PACRG: variants seen among roughly 807,000 people sequenced by gnomAD.
PACRG encodes the protein parkin coregulated gene protein.
In PACRG, 29 loss-of-function variants were observed where a neutral mutation model predicts 29.7. The observed-to-expected ratio is 0.98, with a 90% CI of 0.73 to 1.33. PACRG has a LOEUF of 1.33. Ranked by LOEUF, PACRG falls within the 40% of genes most tolerant of loss-of-function variation. PACRG has a pLI of 0.00. For synonymous variants in PACRG, 116 were observed against 118.7 expected, an observed-to-expected ratio of 0.98 and a Z score of 0.15; for missense variants, 279 against 316.2, an observed-to-expected ratio of 0.88 and a Z score of 0.89.
intron 4 of PACRG, among the ~76,000 whole-genome samples, chr6:163,181,604 CAAAAAAA>C (rs544633309): frequency 2.9e-4 from 19 of 65,114 alleles, no homozygotes; most frequent in African/African-American, 8.7e-4. Flanking sequence ...CTTGAGGTGG[CAAAAAAA>C]AAAAAAAAAA....
At chr6:163,111,538 C>T (rs1815713794) in intron 4 of PACRG, among the ~76,000 whole-genome samples, 1 of 152,180 alleles carries the variant, frequency 6.6e-6, no homozygotes, top group South Asian at 2.1e-4. Context: ...ATGCTTTCTG[C>T]TCTGGTTTTG....
At chr6:163,197,632 G>A (rs1780528874) in intron 4 of PACRG, among the ~76,000 whole-genome samples, 1 of 150,996 alleles carries the variant, frequency 6.6e-6, no homozygotes, top group East Asian at 2.0e-4. Flanking sequence ...CGTGTTTTTA[G>A]TAGAGACGGG....
intron 4 of PACRG, among the ~76,000 whole-genome samples, chr6:163,219,125 G>A (rs961121136): frequency 6.6e-6 from 1 of 152,112 alleles, no homozygotes; most frequent in Non-Finnish European, 1.5e-5. Context: ...ATGTCCAACC[G>A]CCGCCTCACT....
intron 2 of PACRG, among the ~76,000 whole-genome samples, chr6:163,047,899 A>G (rs970783997): frequency 6.6e-6 from 1 of 152,186 alleles, no homozygotes; most frequent in African/African-American, 2.4e-5. Context: ...TTGTCTCCAT[A>G]AGGTCTTACA....
chr6:163,094,553 T>C (rs1814400066), intron 4 of PACRG, among the ~76,000 whole-genome samples: 1 of 152,082 alleles, frequency 6.6e-6, no homozygotes, highest in Non-Finnish European at 1.5e-5. Context: ...TCTAAGAGTA[T>C]CTCCAATTTA....
intron 1 of PACRG, among the ~76,000 whole-genome samples, chr6:162,811,308 T>C (rs1420187885): frequency 2.6e-5 from 4 of 152,158 alleles, no homozygotes; most frequent in Non-Finnish European, 5.9e-5. Flanking sequence ...AATGGATATC[T>C]TGAGAGACCC....
chr6:162,795,424 C>A (rs939557670), intron 1 of PACRG, among the ~76,000 whole-genome samples: 1 of 152,114 alleles, frequency 6.6e-6, no homozygotes, highest in African/African-American at 2.4e-5. Flanking sequence ...GTTAATGAAT[C>A]GTCCATGTTT....
intron 2 of PACRG, among the ~76,000 whole-genome samples, chr6:163,006,169 A>G (rs1010920701): frequency 9.5e-5 from 13 of 136,664 alleles, no homozygotes; most frequent in African/African-American, 3.2e-4. Flanking sequence ...ATATAATATA[A>G]AACATACATA....
At chr6:163,027,975 C>A (rs535189492) in intron 2 of PACRG, among the ~76,000 whole-genome samples, 1 of 152,218 alleles carries the variant, frequency 6.6e-6, no homozygotes, top group African/African-American at 2.4e-5. Flanking sequence ...CTGTGCAGCA[C>A]TGCACAAGCC....
chr6:163,163,341 G>A lies in PACRG; in HGVS notation c.613+73933G>A, dbSNP rs535440100. ...GGCTGGAGTGCAGTGGCATGATCTC[G>A]GCTCACTGCAGCCTCTGCCTTTAGG... On this transcript the variant is annotated intron_variant, in intron 4 of 4. Coordinates refer to ENST00000366888, the MANE Select transcript of PACRG (RefSeq NM_001080379.2). Among the ~76,000 whole-genome samples, 5 of 152,090 alleles carry A rather than the reference G, an allele frequency of 3.3e-5. No homozygotes were observed. In the South Asian group the frequency reaches 6.2e-4, roughly 19 times the overall value.
intron 4 of PACRG, among the ~76,000 whole-genome samples, chr6:163,270,738 G>A (rs1441951718): frequency 6.6e-6 from 1 of 151,874 alleles, no homozygotes; most frequent in African/African-American, 2.4e-5. Flanking sequence ...GAAATCCAAA[G>A]GAAAAGATAG....
rs575134643 is a variant in PACRG, at chr6:163,045,138, G to C, written c.292-17012G>C. Among the ~76,000 whole-genome samples, 6 of 152,158 alleles carry C rather than the reference G, an allele frequency of 3.9e-5. No individual in the cohort carries two copies. In the East Asian group the frequency reaches 1.2e-3, roughly 30 times the overall value. ...TGGTGTGTGTAGGGAAGGTGCCAAG[G>C]TGTGTTGTGGGTTCTCAGGAAGGGG... On this transcript the variant is annotated intron_variant, in intron 2 of 4. Coordinates refer to ENST00000366888, the MANE Select transcript of PACRG (RefSeq NM_001080379.2).
intron 2 of PACRG, among the ~76,000 whole-genome samples, chr6:162,833,334 T>C (rs1212586235): frequency 6.6e-6 from 1 of 152,180 alleles, no homozygotes; most frequent in Admixed American, 6.5e-5. Flanking sequence ...TTAATTTGGT[T>C]GTCTTTCTTC....
At chr6:163,108,643 C>T (rs1394181480) in intron 4 of PACRG, among the ~76,000 whole-genome samples, 1 of 152,014 alleles carries the variant, frequency 6.6e-6, no homozygotes, top group Non-Finnish European at 1.5e-5. Context: ...CCCACCTCAA[C>T]CTCTCAAAGT....
intron 3 of PACRG, among the ~76,000 whole-genome samples, chr6:163,074,640 A>G (rs1450092429): frequency 2.8e-5 from 3 of 108,152 alleles, no homozygotes; most frequent in Admixed American, 8.9e-5. Context: ...TACACATTGC[A>G]TGCCTGTAAC....
rs540953210 is a variant in PACRG, at chr6:163,136,106, A to G, written c.613+46698A>G. On this transcript the variant is annotated intron_variant, in intron 4 of 4. Coordinates refer to ENST00000366888, the MANE Select transcript of PACRG (RefSeq NM_001080379.2). ...AAAATAAGATTCTAAGTTTAATGTC[A>G]TTAGATTCATCAAAATCCTCTCTTT... Among the ~76,000 whole-genome samples, 134 of 152,306 alleles carry G rather than the reference A, an allele frequency of 8.8e-4. 2 individuals are homozygous for G. Among genetic ancestry groups the G allele is most frequent in the Admixed American group, 1.0e-3 (16 of 15,306 alleles).
At chr6:163,304,015 C>CAAAAAAAAAAA (rs59861286) in intron 4 of PACRG, among the ~76,000 whole-genome samples, 6 of 76,248 alleles carry the variant, frequency 7.9e-5, no homozygotes, top group East Asian at 7.9e-4. Flanking sequence ...GACTCCATTT[C>CAAAAAAAAAAA]AAAAAAAAAA....
chr6:163,037,863 C>T (rs934692953), intron 2 of PACRG, among the ~76,000 whole-genome samples: 1 of 152,204 alleles, frequency 6.6e-6, no homozygotes, highest in Non-Finnish European at 1.5e-5. Flanking sequence ...GAGGCACTCC[C>T]TCTGGCTTCC....
chr6:162,877,187 A>G (rs1425508973), intron 2 of PACRG, among the ~76,000 whole-genome samples: 2 of 152,302 alleles, frequency 1.3e-5, no homozygotes, highest in South Asian at 2.1e-4. Flanking sequence ...AACCAACCCA[A>G]CTGCCCATCA....
Sources: gnomAD v4.1 joint callset for allele counts (sites outside exome capture counted in the v4.1 genomes callset) on GRCh38, gnomAD v4.1.1 for gene constraint, MANE v1.5 for transcripts, NCBI Gene and HGNC (gene_info 2026-07-23, HGNC 2026-07-21) for gene names.